The following MAGEA12 variants were observed in gnomAD, a reference collection of about 807,000 sequenced individuals.
MAGEA12 encodes MAGE family member A12.
For synonymous variants in MAGEA12, 135 were observed against 104.7 expected, an observed-to-expected ratio of 1.29 and a Z score of -1.77; for missense variants, 235 against 240.1, an observed-to-expected ratio of 0.98 and a Z score of 0.14.
intron 2 of MAGEA12, among the ~76,000 whole-genome samples, chrX:152,735,822 T>C (rs1316468458): frequency 8.9e-6 from 1 of 111,913 alleles, no homozygotes; most frequent in African/African-American, 3.3e-5. Flanking sequence ...CTGAGGCCCA[T>C]GGATTCCTCT....
Position 152,736,631 on chromosome X carries a change from A to C in MAGEA12, c.470A>C (p.Tyr157Ser), listed in dbSNP as rs1569406036. Residue 157 changes from tyrosine to serine, a missense_variant, in exon 3 of 3, where the codon TAC (tyrosine) becomes TCC (serine). By Grantham distance (144) the Tyr-to-Ser change is moderately radical. Coordinates refer to ENST00000393869, the MANE Select transcript of MAGEA12 (RefSeq NM_001166387.4). Reference protein sequence around the residue: ...FPVIFSKASEYLQLVFGIEVV... With the variant: ...FPVIFSKASESLQLVFGIEVV... ...GTGATCTTCAGCAAAGCCTCCGAGTACTTGCAGCTGGTCTTTGGCATCGAG... is the reference window on the plus strand; with the variant it reads ...GTGATCTTCAGCAAAGCCTCCGAGTCCTTGCAGCTGGTCTTTGGCATCGAG... 8.3e-7 allele frequency: 1 copy of C among 1,211,812 alleles called. No individual in the cohort carries two copies. The highest frequency in any genetic ancestry group is 1.1e-6 in the Non-Finnish European group (1 of 895,552).
Position 152,736,851 on chromosome X carries a change from A to G in MAGEA12, c.690A>G (p.Ala230=), listed in dbSNP as rs782034957. The G allele has an allele frequency of 8.3e-7, 1 of 1,211,880 alleles. No individual in the cohort carries two copies. Among genetic ancestry groups the G allele is most frequent in the East Asian group, 3.0e-5 (1 of 33,850 alleles). ...KIWEELSVLE[A]SDGREDSVFA... is the part of the protein sequence containing the mutation. ...GGGAGGAGCTGAGTGTGTTGGAGGCATCTGATGGGAGGGAGGACAGTGTCT... is the reference window on the plus strand; with the variant it reads ...GGGAGGAGCTGAGTGTGTTGGAGGCGTCTGATGGGAGGGAGGACAGTGTCT... The change falls in exon 3 of 3, where the codon GCA becomes GCG. Residue 230 remains alanine, a synonymous_variant. Transcript: ENST00000393869.
Position 152,737,609 on chromosome X carries a change from G to T in MAGEA12, c.*503G>T. 5.4e-6 allele frequency: 1 copy of T among 184,077 alleles called. No individual in the cohort carries two copies. Among genetic ancestry groups the T allele is most frequent in the Non-Finnish European group, 1.1e-5 (1 of 93,551 alleles). 15.2% of individuals were successfully genotyped at this position (184,077 alleles called of 1,213,427 possible). A position where few individuals can be genotyped will look rare whatever the true frequency, so the allele number is the denominator to read the frequency against. On this transcript the variant is annotated 3_prime_UTR_variant, in exon 3 of 3. Transcript: ENST00000393869. Reference sequence around the variant, plus strand: ...TTCTGTAAATTTGAAAAAAAAGCATGGATACCTGGATATCCTTGGCTTCTT... The same window carrying T: ...TTCTGTAAATTTGAAAAAAAAGCATTGATACCTGGATATCCTTGGCTTCTT...
intron 1 of MAGEA12, among the ~76,000 whole-genome samples, chrX:152,734,276 G>C (rs782450290): frequency 9.2e-6 from 1 of 108,149 alleles, no homozygotes; most frequent in South Asian, 4.0e-4. Flanking sequence ...TGGCAGAATC[G>C]GAGCTTTGCC....
chrX:152,736,114 C>T lies in MAGEA12; in HGVS notation c.-48C>T, dbSNP rs782591473. ...TCTGAGGAGACAGGCCCCGGAGCAGCACTAGCTCCTGCCCACACTCCTACC... is the reference window on the plus strand; with the variant it reads ...TCTGAGGAGACAGGCCCCGGAGCAGTACTAGCTCCTGCCCACACTCCTACC... On this transcript the variant is annotated 5_prime_UTR_variant, in exon 3 of 3. Coordinates refer to ENST00000393869, the MANE Select transcript of MAGEA12 (RefSeq NM_001166387.4). The T allele has an allele frequency of 8.5e-7, 1 of 1,172,403 alleles. No individual in the cohort carries two copies. Among genetic ancestry groups the T allele is most frequent in the Admixed American group, 2.3e-5 (1 of 43,410 alleles).
chrX:152,737,220 C>T lies in MAGEA12; in HGVS notation c.*114C>T. The T allele has an allele frequency of 1.3e-6, 1 of 763,049 alleles. No homozygotes were observed. 62.9% of individuals were successfully genotyped at this position (763,049 alleles called of 1,213,427 possible). A position where few individuals can be genotyped will look rare whatever the true frequency, so the allele number is the denominator to read the frequency against. ...CGTGTGACATGAGGCCCATTCTTCA[C>T]TCTTTGAAGAGAGCAGTCAGTATTG... On this transcript the variant is annotated 3_prime_UTR_variant, in exon 3 of 3. Coordinates refer to ENST00000393869, the MANE Select transcript of MAGEA12 (RefSeq NM_001166387.4).
intron 1 of MAGEA12, among the ~76,000 whole-genome samples, chrX:152,734,503 C>T (rs1253484544): frequency 9.0e-6 from 1 of 111,220 alleles, no homozygotes; most frequent in Non-Finnish European, 1.9e-5. Context: ...CAAACTGAGC[C>T]ACCTTTTCAT....
intron 2 of MAGEA12, 108 bp from the exon 3 acceptor site, chrX:152,735,979 A>G: frequency 2.1e-6 from 1 of 486,684 alleles, no homozygotes; most frequent in Admixed American, 4.0e-5. Context: ...GCCCCAGAAC[A>G]CATGGGACTC....
At chrX:152,734,686 C>G (rs1476250422) in intron 1 of MAGEA12, among the ~76,000 whole-genome samples, 3 of 111,896 alleles carry the variant, frequency 2.7e-5, no homozygotes, top group African/African-American at 9.8e-5. Context: ...GTGCCCCATG[C>G]TCATTGCGAC....
At chrX:152,735,936 G>A (rs1932307529) in intron 2 of MAGEA12, among the ~76,000 whole-genome samples, 151 bp from the exon 3 acceptor site, 1 of 112,590 alleles carries the variant, frequency 8.9e-6, no homozygotes, top group Non-Finnish European at 1.9e-5. Flanking sequence ...AACACTGAAG[G>A]TTTGCCTTGA....
intron 1 of MAGEA12, among the ~76,000 whole-genome samples, chrX:152,734,486 C>G (rs1410073976): frequency 9.0e-6 from 1 of 111,043 alleles, no homozygotes; most frequent in African/African-American, 3.3e-5. Flanking sequence ...CCAAAGTACC[C>G]CTGTCTCAAA....
At chrX:152,735,525 C>G (rs1932294894) in intron 2 of MAGEA12, among the ~76,000 whole-genome samples, 1 of 112,162 alleles carries the variant, frequency 8.9e-6, no homozygotes, top group South Asian at 3.7e-4. Context: ...CACCTGGACT[C>G]CAATGAATTT....
chrX:152,736,388 A>G lies in MAGEA12; in HGVS notation c.227A>G (p.Asn76Ser), dbSNP rs369257561. The change falls in exon 3 of 3, where the codon AAC (asparagine) becomes AGC (serine). Residue 76 changes from asparagine (N) to serine (S), a missense_variant. Coordinates refer to ENST00000393869, the MANE Select transcript of MAGEA12 (RefSeq NM_001166387.4). ...GCCTCCACCCTCCCCACTACCATCA[A>G]CTATACTCTCTGGAGTCAATCCGAT... is the stretch of plus-strand genomic sequence containing the variant. ...QGASTLPTTI[N>S]YTLWSQSDEG... 218 of 1,209,126 alleles carry G rather than the reference A, an allele frequency of 1.8e-4. No individual in the cohort carries two copies. The highest frequency in any genetic ancestry group is 1.3e-3 in the South Asian group (74 of 56,633).
rs199664670 is a variant in MAGEA12 at position 152,736,832 on chromosome X, A to G, written c.671A>G (p.Glu224Gly). ...DCAPEEKIWE[E>G]LSVLEASDGR... ...GCCCCTGAGGAGAAAATCTGGGAGGAGCTGAGTGTGTTGGAGGCATCTGAT... is the reference window on the plus strand; with the variant it reads ...GCCCCTGAGGAGAAAATCTGGGAGGGGCTGAGTGTGTTGGAGGCATCTGAT... Residue 224 changes from glutamate to glycine, a missense_variant, in exon 3 of 3, where the codon GAG (glutamate) becomes GGG (glycine). Glu to Gly is a moderately conservative substitution (Grantham distance 98). Coordinates refer to ENST00000393869, the MANE Select transcript of MAGEA12 (RefSeq NM_001166387.4). The G allele has an allele frequency of 6.7e-5, 81 of 1,209,748 alleles. No homozygotes were observed. Among genetic ancestry groups the G allele is most frequent in the Non-Finnish European group, 8.4e-5 (75 of 895,175 alleles).
intron 2 of MAGEA12, among the ~76,000 whole-genome samples, chrX:152,735,832 T>C (rs1286791656): frequency 1.8e-5 from 2 of 111,568 alleles, no homozygotes; most frequent in Admixed American, 9.4e-5. Flanking sequence ...TGGATTCCTC[T>C]CCCAGGAATC....
intron 2 of MAGEA12, among the ~76,000 whole-genome samples, chrX:152,735,609 G>A (rs1232774102): frequency 1.8e-5 from 2 of 112,068 alleles, no homozygotes; most frequent in Non-Finnish European, 3.8e-5. Context: ...ATGTCCTTCT[G>A]TACCGTATCA....
In MAGEA12 at chrX:152,736,600, T is replaced by C; in HGVS notation, c.439T>C (p.Phe147Leu). The C allele has an allele frequency of 8.3e-7, 1 of 1,211,897 alleles. No homozygotes were observed. Among genetic ancestry groups the C allele is most frequent in the Non-Finnish European group, 1.1e-6 (1 of 895,561 alleles). ...TGTCATCAGAAATTTCCAGGACTTC[T>C]TTCCTGTGATCTTCAGCAAAGCCTC... ...GSVIRNFQDF[F>L]PVIFSKASEY... Residue 147 changes from phenylalanine to leucine, a missense_variant, in exon 3 of 3, where the codon TTT (phenylalanine) becomes CTT (leucine). By Grantham distance (22) the Phe-to-Leu change is conservative. Transcript: ENST00000393869.
chrX:152,736,279 T>A lies in MAGEA12; in HGVS notation c.118T>A (p.Ser40Thr), dbSNP rs1932318878. ...APATEEQETA[S>T]SSSTLVEVTL... is the part of the protein sequence containing the mutation. ...TGCTACTGAGGAGCAGGAGACTGCC[T>A]CCTCCTCCTCTACTCTAGTGGAAGT... The change falls in exon 3 of 3, where the codon TCC becomes ACC. Residue 40 changes from serine (S) to threonine (T), a missense_variant. By Grantham distance (58) the Ser-to-Thr change is moderately conservative. Transcript: ENST00000393869. 5.0e-6 allele frequency: 6 copies of A among 1,208,894 alleles called. No individual in the cohort carries two copies. Among genetic ancestry groups the A allele is most frequent in the Non-Finnish European group, 1.1e-6 (1 of 894,553 alleles).
In MAGEA12 at chrX:152,736,404, T is replaced by A. The variant is rs782662304; in HGVS notation, c.243T>A (p.Ser81Arg). 7.4e-6 allele frequency: 9 copies of A among 1,210,185 alleles called. No individual in the cohort carries two copies. The highest frequency in any genetic ancestry group is 8.9e-6 in the Non-Finnish European group (8 of 894,914). Residue 81 changes from serine to arginine, a missense_variant, in exon 3 of 3, where the codon AGT becomes AGA. Coordinates refer to ENST00000393869, the MANE Select transcript of MAGEA12 (RefSeq NM_001166387.4). ...LPTTINYTLW[S>R]QSDEGSSNEE... ...CTACCATCAACTATACTCTCTGGAG[T>A]CAATCCGATGAGGGCTCCAGCAACG...
Sources: gnomAD v4.1 joint callset for allele counts (sites outside exome capture counted in the v4.1 genomes callset) on GRCh38, gnomAD v4.1.1 for gene constraint, MANE v1.5 for transcripts, NCBI Gene and HGNC (gene_info 2026-07-23, HGNC 2026-07-21) for gene names.